Variants in SNTG1 observed in about 807,000 individuals in gnomAD.
The protein encoded by SNTG1 is syntrophin gamma 1.
SNTG1 carries 39 observed loss-of-function variants against 74.7 expected under a neutral mutation model. That is an observed-to-expected ratio of 0.52 (90% CI 0.40 to 0.68). The LOEUF (loss-of-function observed/expected upper bound fraction) is 0.68. Ranked by LOEUF, SNTG1 falls within the 30% of genes least tolerant of loss-of-function variation. The probability of loss-of-function intolerance (pLI) is 0.00; values close to 1 mark genes in which losing one functional copy is unlikely to be tolerated. For synonymous variants in SNTG1, 254 were observed against 217.1 expected, an observed-to-expected ratio of 1.17 and a Z score of -1.49; for missense variants, 685 against 609.5, an observed-to-expected ratio of 1.12 and a Z score of -1.30.
chr8:50,661,293 G>T (rs1416718457), intron 15 of SNTG1, among the ~76,000 whole-genome samples: 1 of 152,116 alleles, frequency 6.6e-6, no homozygotes, highest in Non-Finnish European at 1.5e-5. Flanking sequence ...AGACTTTTAT[G>T]CAAATTCTTA....
chr8:50,710,851 A>C (rs778087356), intron 17 of SNTG1, among the ~76,000 whole-genome samples: 1 of 152,232 alleles, frequency 6.6e-6, no homozygotes, highest in Admixed American at 6.5e-5. Flanking sequence ...TCCAAGCTTG[A>C]TACTCAAGGA....
intron 3 of SNTG1, among the ~76,000 whole-genome samples, chr8:50,398,454 C>G (rs959311283): frequency 3.3e-5 from 5 of 152,182 alleles, no homozygotes; most frequent in Non-Finnish European, 7.3e-5. Context: ...TGTGTTCCCT[C>G]TTGATTAAAA....
chr8:50,483,460 G>A (rs904348301), intron 8 of SNTG1, among the ~76,000 whole-genome samples: 1 of 152,064 alleles, frequency 6.6e-6, no homozygotes, highest in Non-Finnish European at 1.5e-5. Flanking sequence ...TGGTGGTACA[G>A]CTGTGTTTCT....
At chr8:50,091,354 T>C (rs2079729835) in intron 1 of SNTG1, among the ~76,000 whole-genome samples, 1 of 152,064 alleles carries the variant, frequency 6.6e-6, no homozygotes, top group South Asian at 2.1e-4. Context: ...CAGTATATAA[T>C]ACAGTATTAC....
chr8:50,759,149 T>C (rs2095590078), intron 18 of SNTG1, among the ~76,000 whole-genome samples: 1 of 152,120 alleles, frequency 6.6e-6, no homozygotes, highest in African/African-American at 2.4e-5. Context: ...CAATTTTTGA[T>C]GGGGTTGTTT....
intron 15 of SNTG1, among the ~76,000 whole-genome samples, chr8:50,673,080 C>G (rs1164457171): frequency 6.6e-6 from 1 of 152,134 alleles, no homozygotes; most frequent in Non-Finnish European, 1.5e-5. Flanking sequence ...GTTACTGTAG[C>G]CTTGTAGTAT....
chr8:50,213,966 G>C (rs1186710691), intron 2 of SNTG1, among the ~76,000 whole-genome samples: 1 of 151,880 alleles, frequency 6.6e-6, no homozygotes, highest in Non-Finnish European at 1.5e-5. Flanking sequence ...GGCTTTTGTT[G>C]CCATTGCCTT....
chr8:50,193,193 G>A (rs752021180), intron 2 of SNTG1, among the ~76,000 whole-genome samples: 3 of 148,886 alleles, frequency 2.0e-5, no homozygotes, highest in Non-Finnish European at 3.0e-5. Flanking sequence ...TAGAATGATG[G>A]TGGTATTTTG....
intron 1 of SNTG1, among the ~76,000 whole-genome samples, chr8:50,099,581 A>G (rs28676677): frequency 0.011 from 1,636 of 152,204 alleles, 35 homozygotes; most frequent in African/African-American, 0.036. Context: ...TGCTCTCCAC[A>G]GTAACTGTAC....
chr8:50,061,188 T>C (rs190803925), intron 1 of SNTG1, among the ~76,000 whole-genome samples: 46 of 152,256 alleles, frequency 3.0e-4, no homozygotes, highest in African/African-American at 9.9e-4. Flanking sequence ...AAGACTTTAC[T>C]GGGGGAAAGA....
intron 1 of SNTG1, among the ~76,000 whole-genome samples, chr8:49,976,533 G>A (rs1332912300): frequency 6.6e-6 from 1 of 152,166 alleles, no homozygotes; most frequent in African/African-American, 2.4e-5. Context: ...CCTGTGGAGT[G>A]TTCCTGAGTG....
At chr8:50,535,400 T>C (rs2094300485) in intron 10 of SNTG1, among the ~76,000 whole-genome samples, 1 of 152,098 alleles carries the variant, frequency 6.6e-6, no homozygotes, top group Admixed American at 6.6e-5. Flanking sequence ...TGACCTCACA[T>C]CACATGCCGA....
intron 1 of SNTG1, among the ~76,000 whole-genome samples, chr8:50,028,380 T>C (rs1458922482): frequency 6.6e-6 from 1 of 152,142 alleles, no homozygotes; most frequent in Non-Finnish European, 1.5e-5. Flanking sequence ...ATATATTAGT[T>C]TACAGGTTTT....
At chr8:50,139,389 TA>T (rs2081584964) in intron 1 of SNTG1, among the ~76,000 whole-genome samples, 1 of 152,192 alleles carries the variant, frequency 6.6e-6, no homozygotes, top group South Asian at 2.1e-4. Context: ...AGGTAAACCC[TA>T]AATATGGATG....
At chr8:49,986,573 G>A (rs539752683) in intron 1 of SNTG1, among the ~76,000 whole-genome samples, 16 of 152,158 alleles carry the variant, frequency 1.1e-4, no homozygotes, top group Non-Finnish European at 1.9e-4. Context: ...TGTAATCCCA[G>A]CACTTTTGGA....
chr8:50,030,393 G>A (rs922807613), intron 1 of SNTG1, among the ~76,000 whole-genome samples: 1 of 151,810 alleles, frequency 6.6e-6, no homozygotes, highest in Admixed American at 6.6e-5. Flanking sequence ...GTGCTTTTGA[G>A]GTATTACTCT....
intron 11 of SNTG1, among the ~76,000 whole-genome samples, chr8:50,543,597 G>C (rs2094364634): frequency 6.6e-6 from 1 of 152,046 alleles, no homozygotes; most frequent in African/African-American, 2.4e-5. Flanking sequence ...TTCAACCTTT[G>C]AAAACATCTA....
intron 2 of SNTG1, among the ~76,000 whole-genome samples, chr8:50,227,904 AT>A (rs1312209724): frequency 1.1e-4 from 15 of 138,736 alleles, no homozygotes; most frequent in African/African-American, 3.4e-4. Context: ...TCCAAAAAAA[AT>A]GACATAAACA....
intron 11 of SNTG1, among the ~76,000 whole-genome samples, chr8:50,551,739 C>T (rs1271531855): frequency 6.6e-6 from 1 of 152,164 alleles, no homozygotes; most frequent in African/African-American, 2.4e-5. Flanking sequence ...AGTTATACTT[C>T]TGAAATTCTT....
Sources: gnomAD v4.1 joint callset for allele counts (sites outside exome capture counted in the v4.1 genomes callset) on GRCh38, gnomAD v4.1.1 for gene constraint, MANE v1.5 for transcripts, NCBI Gene and HGNC (gene_info 2026-07-23, HGNC 2026-07-21) for gene names.